SPOCK1: variants seen among roughly 807,000 people sequenced by gnomAD.
SPOCK1 encodes the protein testican-1.
SPOCK1 carries 23 observed loss-of-function variants against 55.3 expected under a neutral mutation model. That is an observed-to-expected ratio of 0.42 (90% CI 0.30 to 0.59). The LOEUF (loss-of-function observed/expected upper bound fraction) is 0.59, where lower values mean the gene tolerates loss of function less well. Ranked by LOEUF, SPOCK1 falls within the 20% of genes least tolerant of loss-of-function variation. The pLI, the probability that SPOCK1 is intolerant of heterozygous loss-of-function variation, is 0.22. For missense variants in SPOCK1, 499 were observed against 552.5 expected, an observed-to-expected ratio of 0.90 and a Z score of 0.97; for synonymous variants, 226 against 221.0, an observed-to-expected ratio of 1.02 and a Z score of -0.20.
chr5:137,374,634 G>C (rs907947692), intron 2 of SPOCK1, among the ~76,000 whole-genome samples: 3 of 152,140 alleles, frequency 2.0e-5, no homozygotes, highest in Non-Finnish European at 2.9e-5. Context: ...GAGTGCTAGG[G>C]CTCTGCAGAA....
chr5:137,019,713 C>T (rs1169198938), intron 6 of SPOCK1, among the ~76,000 whole-genome samples: 9 of 151,996 alleles, frequency 5.9e-5, no homozygotes, highest in African/African-American at 2.2e-4. Context: ...ACCCTCATTA[C>T]AGGAATTTCC....
chr5:137,462,076 C>A (rs1753500101), intron 2 of SPOCK1, among the ~76,000 whole-genome samples: 1 of 152,222 alleles, frequency 6.6e-6, no homozygotes, highest in East Asian at 1.9e-4. Context: ...GTGCCTGCAC[C>A]TGCTGGCAGT....
At chr5:137,457,272 T>C (rs147340688) in intron 2 of SPOCK1, among the ~76,000 whole-genome samples, 312 of 152,226 alleles carry the variant, frequency 2.0e-3, no homozygotes, top group Middle Eastern at 0.017. Flanking sequence ...ATCAGAATGA[T>C]ATAAAGTGGA....
At chr5:137,487,183 T>G (rs756099076) in intron 2 of SPOCK1, among the ~76,000 whole-genome samples, 6 of 152,100 alleles carry the variant, frequency 3.9e-5, no homozygotes, top group Non-Finnish European at 7.4e-5. Context: ...TTCAAGCAGC[T>G]GGGGAAAAGA....
At chr5:137,236,097 C>A (rs1460350583) in intron 3 of SPOCK1, among the ~76,000 whole-genome samples, 5 of 152,264 alleles carry the variant, frequency 3.3e-5, no homozygotes, top group African/African-American at 9.6e-5. Flanking sequence ...CTTTGCCTTT[C>A]CAGCCCATGT....
At chr5:137,372,076 C>A (rs867951539) in intron 2 of SPOCK1, among the ~76,000 whole-genome samples, 3 of 152,186 alleles carry the variant, frequency 2.0e-5, no homozygotes, top group African/African-American at 7.2e-5. Flanking sequence ...TATTAATGAT[C>A]TTTCATCCTA....
intron 3 of SPOCK1, among the ~76,000 whole-genome samples, chr5:137,260,306 G>GT (rs1330924729): frequency 1.3e-5 from 2 of 152,206 alleles, no homozygotes; most frequent in Non-Finnish European, 2.9e-5. Context: ...ACATCCATCA[G>GT]TGGGGGAATA....
chr5:137,055,355 C>T (rs1166391404), intron 6 of SPOCK1, among the ~76,000 whole-genome samples: 2 of 152,160 alleles, frequency 1.3e-5, no homozygotes, highest in Admixed American at 1.3e-4. Context: ...TCACTGTCCT[C>T]AATTTTAGGG....
chr5:137,466,505 A>C (rs1481253132), intron 2 of SPOCK1, among the ~76,000 whole-genome samples: 3 of 152,182 alleles, frequency 2.0e-5, no homozygotes, highest in Non-Finnish European at 4.4e-5. Flanking sequence ...GCCCAAAGCA[A>C]TTCCAACTCA....
chr5:137,435,990 C>T (rs1437820972), intron 2 of SPOCK1, among the ~76,000 whole-genome samples: 1 of 137,618 alleles, frequency 7.3e-6, no homozygotes, highest in African/African-American at 2.6e-5. Context: ...CCAGTCTCTA[C>T]TAAAACATGT....
intron 2 of SPOCK1, among the ~76,000 whole-genome samples, chr5:137,372,703 T>G (rs1057205168): frequency 6.6e-6 from 1 of 152,072 alleles, no homozygotes; most frequent in African/African-American, 2.4e-5. Context: ...AAGATGACAA[T>G]GCTAAGCACA....
At chr5:137,245,549 C>T (rs1756376820) in intron 3 of SPOCK1, among the ~76,000 whole-genome samples, 2 of 152,122 alleles carry the variant, frequency 1.3e-5, no homozygotes, top group East Asian at 3.9e-4. Context: ...GCAATAAAAG[C>T]ATCAAAAACT....
chr5:137,280,347 C>T (rs1211358985), intron 2 of SPOCK1, among the ~76,000 whole-genome samples: 1 of 152,186 alleles, frequency 6.6e-6, no homozygotes, highest in Admixed American at 6.5e-5. Flanking sequence ...AATAACATTG[C>T]AAGTCCCTTC....
At chr5:137,307,995 T>C (rs1757728438) in intron 2 of SPOCK1, among the ~76,000 whole-genome samples, 1 of 152,188 alleles carries the variant, frequency 6.6e-6, no homozygotes, top group African/African-American at 2.4e-5. Context: ...CCATGAGCCA[T>C]GAAGATTAAA....
rs1485328214 is a variant in SPOCK1 at position 137,106,055 on chromosome 5, G to A, written c.474+6380C>T. 3.3e-5 allele frequency among the ~76,000 whole-genome samples: 5 copies of A among 152,146 alleles called. No individual in the cohort carries two copies. The East Asian group carries it at 9.7e-4, about 29-fold the overall frequency. On this transcript the variant is annotated intron_variant, in intron 5 of 10. Coordinates refer to ENST00000394945, the MANE Select transcript of SPOCK1 (RefSeq NM_004598.4). The stretch of plus-strand genomic sequence containing the variant: ...AGCCCTGACATCTGAGCTTCAGTCA[G>A]GTGGGCCCAGATGACTGAAGTCCAT...
chr5:137,324,397 A>T (rs1233553967), intron 2 of SPOCK1, among the ~76,000 whole-genome samples: 1 of 152,158 alleles, frequency 6.6e-6, no homozygotes, highest in Non-Finnish European at 1.5e-5. Flanking sequence ...GTGAGCCAAG[A>T]TCACACCACT....
chr5:137,316,538 C>G (rs1228439876), intron 2 of SPOCK1, among the ~76,000 whole-genome samples: 1 of 152,202 alleles, frequency 6.6e-6, no homozygotes, highest in African/African-American at 2.4e-5. Context: ...TGAATCCCCT[C>G]TCTGCTAGCT....
chr5:137,159,232 A>G (rs562535223), intron 3 of SPOCK1, among the ~76,000 whole-genome samples: 1 of 152,160 alleles, frequency 6.6e-6, no homozygotes, highest in Non-Finnish European at 1.5e-5. Flanking sequence ...CATCAGAAGG[A>G]GTTACATGAG....
At chr5:137,110,237 G>T (rs1753442489) in intron 5 of SPOCK1, among the ~76,000 whole-genome samples, 1 of 152,112 alleles carries the variant, frequency 6.6e-6, no homozygotes. Context: ...TTGACTTTGG[G>T]GTAGCAGAAG....
Sources: allele counts gnomAD v4.1 joint callset (sites outside exome capture counted in the v4.1 genomes callset), GRCh38; gene constraint gnomAD v4.1.1; transcripts MANE v1.5; gene names NCBI Gene and HGNC (gene_info 2026-07-23, HGNC 2026-07-21).